NEBL: variants seen among roughly 807,000 people sequenced by gnomAD.
NEBL encodes the protein LIM and SH3 protein 2.
In NEBL, 122 loss-of-function variants were observed where a neutral mutation model predicts 140.2. The ratio of observed to expected loss-of-function variants is 0.87; its 90% CI spans 0.75 to 1.01. The LOEUF is 1.01. Ranked by LOEUF, NEBL falls within the 50% of genes least tolerant of loss-of-function variation. NEBL has a pLI of 0.00. For synonymous variants in NEBL, 436 were observed against 398.9 expected (o/e 1.09, Z -1.11); for missense variants, 1,365 against 1,231.3 (o/e 1.11, Z -1.62).
chr10:20,809,019 T>G (rs1177753950), intron 25 of NEBL, among the ~76,000 whole-genome samples: 1 of 152,204 alleles, frequency 6.6e-6, no homozygotes, highest in Non-Finnish European at 1.5e-5. Context: ...TGCCTTTTCT[T>G]TATTTTTAGA....
intron 2 of NEBL, among the ~76,000 whole-genome samples, chr10:21,122,846 C>G (rs182959246): frequency 2.8e-4 from 43 of 152,274 alleles, no homozygotes; most frequent in Admixed American, 2.4e-3. Flanking sequence ...ACTTATACCC[C>G]CTTCAAGTAT....
chr10:20,960,620 C>G (rs538833999), intron 4 of NEBL, among the ~76,000 whole-genome samples: 110 of 152,032 alleles, frequency 7.2e-4, no homozygotes, highest in African/African-American at 2.5e-3. Context: ...ATACATAATT[C>G]TATCTGCAAA....
At chr10:20,848,088 G>A (rs893953877) in intron 11 of NEBL, among the ~76,000 whole-genome samples, 2 of 152,138 alleles carry the variant, frequency 1.3e-5, no homozygotes, top group Admixed American at 1.3e-4. Flanking sequence ...CTTTCTCTGG[G>A]CTGTGGGTCA....
intron 1 of NEBL, among the ~76,000 whole-genome samples, chr10:21,288,423 G>A (rs952971885): frequency 2.0e-5 from 3 of 151,658 alleles, no homozygotes; most frequent in East Asian, 3.9e-4. Flanking sequence ...AGCCAAGATC[G>A]TGCCACTGCA....
At chr10:21,008,370 T>C (rs1321183013) in intron 3 of NEBL, among the ~76,000 whole-genome samples, 5 of 152,188 alleles carry the variant, frequency 3.3e-5, no homozygotes, top group African/African-American at 9.6e-5. Flanking sequence ...TATTACAGCA[T>C]ACTGTTGAAA....
intron 3 of NEBL, among the ~76,000 whole-genome samples, chr10:21,017,272 G>C (rs896824572): frequency 6.6e-6 from 1 of 152,192 alleles, no homozygotes; most frequent in Admixed American, 6.5e-5. Context: ...CAGCAACACT[G>C]TTGATGATGA....
intron 2 of NEBL, among the ~76,000 whole-genome samples, chr10:21,138,823 A>C (rs973703757): frequency 1.0e-5 from 1 of 98,994 alleles, no homozygotes; most frequent in Non-Finnish European, 2.3e-5. Context: ...TAAACTATTT[A>C]AAAAAAAAAA....
chr10:20,908,331 C>T (rs189955714), intron 4 of NEBL, among the ~76,000 whole-genome samples: 4 of 152,314 alleles, frequency 2.6e-5, no homozygotes, highest in Admixed American at 2.6e-4. Context: ...ATTACTTTCT[C>T]TCATCTCCTT....
intron 1 of NEBL, among the ~76,000 whole-genome samples, chr10:21,275,911 G>T (rs1215002603): frequency 2.7e-5 from 4 of 146,124 alleles, no homozygotes; most frequent in Non-Finnish European, 5.9e-5. Context: ...GCCTGCCTCA[G>T]CCTCCCAAAG....
At chr10:21,066,426 A>T (rs1238628144) in intron 2 of NEBL, among the ~76,000 whole-genome samples, 1 of 152,250 alleles carries the variant, frequency 6.6e-6, no homozygotes, top group Admixed American at 6.5e-5. Context: ...TGATTAAAAA[A>T]TAAAAGTTAA....
intron 3 of NEBL, among the ~76,000 whole-genome samples, chr10:21,000,516 G>C (rs1837851282): frequency 1.3e-5 from 2 of 152,114 alleles, no homozygotes; most frequent in African/African-American, 4.8e-5. Flanking sequence ...TCTCTAAAGA[G>C]AGAGAAGCCA....
intron 4 of NEBL, among the ~76,000 whole-genome samples, chr10:20,883,614 A>G (rs1442360726): frequency 6.6e-6 from 1 of 152,228 alleles, no homozygotes; most frequent in African/African-American, 2.4e-5. Flanking sequence ...TTCTTCTTAA[A>G]TGAAAAGAAC....
intron 4 of NEBL, among the ~76,000 whole-genome samples, chr10:20,902,382 G>A (rs1193781071): frequency 6.8e-6 from 1 of 147,448 alleles, no homozygotes; most frequent in East Asian, 2.0e-4. Context: ...CTCCAGCCTG[G>A]GCAACAGAGC....
chr10:21,229,069 G>A (rs1261486717), intron 3 of NEBL, among the ~76,000 whole-genome samples: 2 of 152,092 alleles, frequency 1.3e-5, no homozygotes, highest in Non-Finnish European at 2.9e-5. Flanking sequence ...TACAATTTGG[G>A]ACTATTTGTT....
At chr10:21,044,397 TAAAAAAAAAAAAAAAAAAAA>T (rs57176129) in intron 2 of NEBL, among the ~76,000 whole-genome samples, 1 of 34,870 alleles carries the variant, frequency 2.9e-5, no homozygotes, top group Non-Finnish European at 4.5e-5. Context: ...AGAGTAAGAA[TAAAAAAAAAAAAAAAAAAAA>T]AAAAAAAAAA....
chr10:21,288,943 G>A (rs1449123124), intron 1 of NEBL, among the ~76,000 whole-genome samples: 1 of 144,440 alleles, frequency 6.9e-6, no homozygotes, highest in Non-Finnish European at 1.5e-5. Flanking sequence ...CTGCCTCCCG[G>A]GTTCAAGCAA....
intron 3 of NEBL, among the ~76,000 whole-genome samples, chr10:20,888,946 A>C (rs1172389312): frequency 6.6e-6 from 1 of 152,180 alleles, no homozygotes; most frequent in Non-Finnish European, 1.5e-5. Context: ...TCAGAGCTAG[A>C]TTTCAGTATT....
chr10:21,162,591 C>CT (rs1409466181), intron 2 of NEBL, among the ~76,000 whole-genome samples: 1 of 152,204 alleles, frequency 6.6e-6, no homozygotes, highest in Non-Finnish European at 1.5e-5. Context: ...GAGCAAAGCT[C>CT]TTGCAGGCTG....
At chr10:21,068,068 G>C (rs1161330499) in intron 2 of NEBL, among the ~76,000 whole-genome samples, 1 of 152,150 alleles carries the variant, frequency 6.6e-6, no homozygotes. Context: ...TTCTTAGTAG[G>C]AACACTGAAA....
Sources: gnomAD v4.1 joint callset for allele counts (sites outside exome capture counted in the v4.1 genomes callset) on GRCh38, gnomAD v4.1.1 for gene constraint, MANE v1.5 for transcripts, NCBI Gene and HGNC (gene_info 2026-07-23, HGNC 2026-07-21) for gene names.